Variants in RIMS2 observed in about 807,000 individuals in gnomAD.
RIMS2 encodes the protein regulating synaptic membrane exocytosis 2, also known as regulating synaptic membrane exocytosis protein 2.
RIMS2 carries 59 observed loss-of-function variants against 174.4 expected under a neutral mutation model. That is an observed-to-expected ratio of 0.34 (90% CI 0.27 to 0.42). The LOEUF is 0.42. Ranked by LOEUF, RIMS2 falls within the 10% of genes least tolerant of loss-of-function variation. RIMS2 has a pLI of 1.00. For synonymous variants in RIMS2, 606 were observed against 572.5 expected, an observed-to-expected ratio of 1.06 and a Z score of -0.84; for missense variants, 1,620 against 1,666.3, an observed-to-expected ratio of 0.97 and a Z score of 0.48.
In RIMS2 at chr8:104,207,916, A is replaced by C. The variant is rs376709943; in HGVS notation, c.3335-37000A>C. Among the ~76,000 whole-genome samples, 56 of 151,472 alleles carry C rather than the reference A, an allele frequency of 3.7e-4. 1 individual carries two copies. The South Asian group carries it at 0.011, about 31-fold the overall frequency. On this transcript the variant is annotated intron_variant, in intron 19 of 23. Coordinates refer to ENST00000504942, the Ensembl canonical transcript of RIMS2. ...TAAATGAGACACAGGTTCTTCATGG[A>C]TGCAAGTGTAGTTTTTTATTTATTT...
At chr8:103,802,485 G>A (rs16870704) in intron 3 of RIMS2, among the ~76,000 whole-genome samples, 1,528 of 152,158 alleles carry the variant, frequency 0.01, 21 homozygotes, top group South Asian at 0.049. Flanking sequence ...AAGTAATTCC[G>A]GTATTGGTCA....
At chr8:103,683,782 T>C (rs2096907630) in intron 1 of RIMS2, among the ~76,000 whole-genome samples, 1 of 152,210 alleles carries the variant, frequency 6.6e-6, no homozygotes, top group Non-Finnish European at 1.5e-5. Flanking sequence ...GAAGTTCTAA[T>C]GCAGAGCTCA....
intron 16 of RIMS2, among the ~76,000 whole-genome samples, chr8:103,987,680 T>A (rs2094452628): frequency 6.6e-6 from 1 of 152,142 alleles, no homozygotes; most frequent in Non-Finnish European, 1.5e-5. Context: ...AGAGAAGAGA[T>A]GAAAACCATC....
At chr8:103,542,037 A>G (rs1842797089) in intron 1 of RIMS2, among the ~76,000 whole-genome samples, 2 of 152,122 alleles carry the variant, frequency 1.3e-5, no homozygotes, top group Admixed American at 1.3e-4. Context: ...GGAACAAAAG[A>G]TCCACAAAAC....
intron 1 of RIMS2, among the ~76,000 whole-genome samples, chr8:103,530,258 T>C (rs535424244): frequency 3.0e-4 from 46 of 152,270 alleles, no homozygotes; most frequent in Non-Finnish European, 5.0e-4. Flanking sequence ...AAAATGTTAG[T>C]AGCATAATGT....
chr8:103,809,927 CT>C (rs1032690680), intron 3 of RIMS2, among the ~76,000 whole-genome samples: 1 of 152,130 alleles, frequency 6.6e-6, no homozygotes, highest in African/African-American at 2.4e-5. Flanking sequence ...GATGTAATCC[CT>C]TTTGTAACTA....
At chr8:104,179,613 A>T (rs2135866902) in intron 19 of RIMS2, among the ~76,000 whole-genome samples, 1 of 152,058 alleles carries the variant, frequency 6.6e-6, no homozygotes, top group Admixed American at 6.6e-5. Context: ...TAGCTACTGA[A>T]GTTAAGTGGC....
intron 1 of RIMS2, among the ~76,000 whole-genome samples, chr8:103,518,094 G>T (rs1178138359): frequency 6.6e-6 from 1 of 152,130 alleles, no homozygotes; most frequent in Non-Finnish European, 1.5e-5. Flanking sequence ...TAGCAAAATG[G>T]TGGGTATCAG....
chr8:104,246,865 G>T (rs2099334860), intron 20 of RIMS2, among the ~76,000 whole-genome samples: 1 of 152,104 alleles, frequency 6.6e-6, no homozygotes, highest in Non-Finnish European at 1.5e-5. Context: ...GCAGGGGCGG[G>T]GGCAGCTTAT....
chr8:103,967,203 G>A (rs1434388759), intron 15 of RIMS2, among the ~76,000 whole-genome samples: 2 of 46,534 alleles, frequency 4.3e-5, no homozygotes, highest in African/African-American at 2.6e-4. Context: ...TTTTTTTTGA[G>A]ATAGAGTTTC....
intron 3 of RIMS2, among the ~76,000 whole-genome samples, chr8:103,782,384 A>C (rs2098399909): frequency 6.6e-6 from 1 of 151,502 alleles, no homozygotes; most frequent in African/African-American, 2.4e-5. Flanking sequence ...CAGTTAGATT[A>C]TTACAACATT....
intron 19 of RIMS2, among the ~76,000 whole-genome samples, chr8:104,024,626 A>G (rs1315898187): frequency 6.6e-6 from 1 of 152,172 alleles, no homozygotes; most frequent in Non-Finnish European, 1.5e-5. Flanking sequence ...AATGTGTTGT[A>G]TTAGGTAGCC....
chr8:104,071,894 G>A (rs2097203076), intron 19 of RIMS2, among the ~76,000 whole-genome samples: 1 of 152,146 alleles, frequency 6.6e-6, no homozygotes, highest in Admixed American at 6.5e-5. Context: ...GGTGAATGAT[G>A]TCTTCAAGAA....
chr8:103,863,410 T>C lies in RIMS2; in HGVS notation c.699-21888T>C, dbSNP rs527737113. On this transcript the variant is annotated intron_variant, in intron 3 of 23. Coordinates refer to ENST00000504942, the Ensembl canonical transcript of RIMS2. ...CATCAAGAATATTGGCCCGAAGTTT[T>C]CTTGTGGTATGTCTGCCAGATTTTG... Among the ~76,000 whole-genome samples, 178 of 152,234 alleles carry C rather than the reference T, an allele frequency of 1.2e-3. 1 individual carries two copies. The highest frequency in any genetic ancestry group is 2.0e-3 in the Non-Finnish European group (135 of 67,996).
chr8:103,829,146 C>T (rs1411928516), intron 3 of RIMS2, among the ~76,000 whole-genome samples: 3 of 132,170 alleles, frequency 2.3e-5, no homozygotes, highest in Non-Finnish European at 4.7e-5. Context: ...AAAAAATGTT[C>T]AATAGCTCTA....
intron 19 of RIMS2, among the ~76,000 whole-genome samples, chr8:104,022,573 G>A (rs2096130690): frequency 6.6e-6 from 1 of 151,982 alleles, no homozygotes; most frequent in East Asian, 1.9e-4. Flanking sequence ...GTAAAGACGG[G>A]TTTCACTACC....
chr8:103,818,718 A>C (rs1158645344), intron 3 of RIMS2, among the ~76,000 whole-genome samples: 1 of 152,180 alleles, frequency 6.6e-6, no homozygotes, highest in African/African-American at 2.4e-5. Context: ...CTATGTATAT[A>C]GCCTTTAGAA....
chr8:103,520,572 T>C (rs16870450), intron 1 of RIMS2, among the ~76,000 whole-genome samples: 9,093 of 152,166 alleles, frequency 0.06, 908 homozygotes, highest in African/African-American at 0.2. Context: ...TGCTTGCCAT[T>C]AGTAATCTGA....
At chr8:103,982,441 A>C (rs1188352968) in intron 16 of RIMS2, among the ~76,000 whole-genome samples, 1 of 151,702 alleles carries the variant, frequency 6.6e-6, no homozygotes, top group African/African-American at 2.4e-5. Context: ...AGACACATAA[A>C]AAAAAAAAAC....
Sources: allele counts gnomAD v4.1 joint callset (sites outside exome capture counted in the v4.1 genomes callset), GRCh38; gene constraint gnomAD v4.1.1; transcripts MANE v1.5; gene names NCBI Gene and HGNC (gene_info 2026-07-23, HGNC 2026-07-21).